The following PHKA1 variants were observed in gnomAD, a reference collection of about 807,000 sequenced individuals.
The protein encoded by PHKA1 is phosphorylase kinase regulatory subunit alpha 1.
PHKA1 carries 60 observed loss-of-function variants against 110.2 expected under a neutral mutation model. The observed-to-expected ratio is 0.54, with a 90% CI of 0.44 to 0.68. The LOEUF (loss-of-function observed/expected upper bound fraction) is 0.68, where lower values mean the gene tolerates loss of function less well. Ranked by LOEUF, PHKA1 falls within the 30% of genes least tolerant of loss-of-function variation. The probability of loss-of-function intolerance (pLI) is 0.00; values close to 1 mark genes in which losing one functional copy is unlikely to be tolerated. For synonymous variants in PHKA1, 316 were observed against 333.6 expected (o/e 0.95, Z 0.58); for missense variants, 801 against 942.5 (o/e 0.85, Z 1.97).
chrX:72,617,356 T>A (rs1226049844), intron 21 of PHKA1, among the ~76,000 whole-genome samples: 1 of 110,525 alleles, frequency 9.0e-6, no homozygotes, highest in Non-Finnish European at 1.9e-5. Flanking sequence ...TTTCTATAAA[T>A]AATTAAAAAA....
At chrX:72,587,264 GT>G (rs782033806) in intron 29 of PHKA1, among the ~76,000 whole-genome samples, 46 of 111,745 alleles carry the variant, frequency 4.1e-4, no homozygotes, top group Non-Finnish European at 8.1e-4. Context: ...CCAGAAGAGA[GT>G]GGGGGCCGAT....
intron 21 of PHKA1, among the ~76,000 whole-genome samples, chrX:72,614,761 G>A (rs782448066): frequency 9.0e-6 from 1 of 111,304 alleles, no homozygotes; most frequent in South Asian, 3.9e-4. Flanking sequence ...TGATGCTGTA[G>A]CGAGAGGCAG....
chrX:72,628,505 C>T (rs2053118199), intron 16 of PHKA1, among the ~76,000 whole-genome samples: 1 of 106,331 alleles, frequency 9.4e-6, no homozygotes, highest in Non-Finnish European at 1.9e-5. Context: ...ATTTTTGTGT[C>T]TTGCAAAGGA....
At position 72,580,867 on chromosome X, in the gene PHKA1, C is replaced by A; in HGVS notation, c.*135G>T. The A allele has an allele frequency of 5.0e-6, 3 of 598,113 alleles. No individual in the cohort carries two copies. Among genetic ancestry groups the A allele is most frequent in the South Asian group, 2.5e-5 (1 of 39,745 alleles). 49.3% of individuals were successfully genotyped at this position (598,113 alleles called of 1,213,427 possible). A position where few individuals can be genotyped will look rare whatever the true frequency, so the allele number is the denominator to read the frequency against. ...CAGTAGTTAGTTTATCGAAAAAGTT[C>A]TCTCTTCTTGGGAAGGATGGGACAG... On this transcript the variant is annotated 3_prime_UTR_variant, in exon 32 of 32. Transcript: ENST00000373542.
chrX:72,581,770 GA>G (rs1444268525), intron 31 of PHKA1, among the ~76,000 whole-genome samples: 1 of 112,049 alleles, frequency 8.9e-6, no homozygotes, highest in African/African-American at 3.2e-5. Context: ...CTAACAGAAT[GA>G]AAACAGCTAT....
chrX:72,698,443 G>C (rs2054159006), intron 3 of PHKA1, among the ~76,000 whole-genome samples: 2 of 112,334 alleles, frequency 1.8e-5, no homozygotes, highest in Admixed American at 9.4e-5. Context: ...AGTAACATTA[G>C]AAATGTCTTA....
intron 21 of PHKA1, among the ~76,000 whole-genome samples, chrX:72,615,367 T>A (rs1342905839): frequency 1.8e-5 from 2 of 111,792 alleles, no homozygotes; most frequent in African/African-American, 6.5e-5. Context: ...AACGATGGTG[T>A]GTAAATTACT....
intron 6 of PHKA1, among the ~76,000 whole-genome samples, chrX:72,671,745 A>T (rs781950861): frequency 1.3e-4 from 15 of 111,409 alleles, no homozygotes; most frequent in African/African-American, 4.9e-4. Context: ...AGAGATATAG[A>T]CCGATGGAAC....
chrX:72,580,715 G>T lies in PHKA1; in HGVS notation c.*287C>A, dbSNP rs1431738637. 5.2e-6 allele frequency: 2 copies of T among 381,022 alleles called. No homozygotes were observed. The highest frequency in any genetic ancestry group is 8.7e-5 in the Admixed American group (2 of 22,880). The allele number at this position is 381,022 out of a possible 1,213,427, so 31.4% of individuals were successfully genotyped here. A position where few individuals can be genotyped will look rare whatever the true frequency, so the allele number is the denominator to read the frequency against. On this transcript the variant is annotated 3_prime_UTR_variant, in exon 32 of 32. Transcript: ENST00000373542. ...ACAGATCTAGAGAATAAAAACACAT[G>T]CAAACTTTTATGAATGATGAAAGAA...
At chrX:72,642,830 ATTTCT>A (rs2053313359) in intron 14 of PHKA1, among the ~76,000 whole-genome samples, 1 of 111,833 alleles carries the variant, frequency 8.9e-6, no homozygotes, top group Non-Finnish European at 1.9e-5. Flanking sequence ...AAATTTGTTA[ATTTCT>A]TTGTGTATAT....
chrX:72,596,564 T>C (rs2052592215), intron 28 of PHKA1, among the ~76,000 whole-genome samples: 1 of 111,430 alleles, frequency 9.0e-6, no homozygotes, highest in South Asian at 3.7e-4. Context: ...TAACAAAATA[T>C]GTAGGAATAA....
chrX:72,671,515 A>G (rs1254024328), intron 6 of PHKA1, among the ~76,000 whole-genome samples: 4 of 110,900 alleles, frequency 3.6e-5, no homozygotes, highest in Non-Finnish European at 5.7e-5. Context: ...TACTGCCCAA[A>G]GTAATTTATA....
intron 28 of PHKA1, chrX:72,599,679 C>T: frequency 2.8e-6 from 1 of 351,313 alleles, no homozygotes; most frequent in Non-Finnish European, 5.1e-6. Flanking sequence ...GATTCACCCC[C>T]ATATATGAAA....
At chrX:72,691,613 C>A (rs950138637) in intron 4 of PHKA1, among the ~76,000 whole-genome samples, 1 of 111,725 alleles carries the variant, frequency 9.0e-6, no homozygotes, top group Non-Finnish European at 1.9e-5. Context: ...TAAATTTATT[C>A]CTCATTATTT....
At chrX:72,680,952 C>G (rs1350916852) in intron 5 of PHKA1, among the ~76,000 whole-genome samples, 2 of 58,914 alleles carry the variant, frequency 3.4e-5, no homozygotes, top group African/African-American at 1.5e-4. Context: ...GCCACCCCGT[C>G]TGGGAAGTGA....
chrX:72,712,690 G>T, intron 2 of PHKA1, 89 bp downstream of exon 2: 4 of 823,120 alleles, frequency 4.9e-6, no homozygotes, highest in Non-Finnish European at 7.3e-6. Flanking sequence ...CTTAGCTTTT[G>T]GTGGGTTTCA....
chrX:72,693,813 G>A (rs972275205), intron 4 of PHKA1, among the ~76,000 whole-genome samples: 1 of 111,260 alleles, frequency 9.0e-6, no homozygotes, highest in Non-Finnish European at 1.9e-5. Context: ...TTGTGCTCTT[G>A]GTTGTACCCG....
At chrX:72,682,527 T>G (rs1358304721) in intron 5 of PHKA1, among the ~76,000 whole-genome samples, 1 of 108,393 alleles carries the variant, frequency 9.2e-6, no homozygotes, top group Non-Finnish European at 1.9e-5. Context: ...ATGGTTGCCG[T>G]GTCTGTGTGG....
chrX:72,713,695 CA>C (rs2054418646), intron 1 of PHKA1, 107 bp downstream of exon 1: 7 of 609,111 alleles, frequency 1.1e-5, no homozygotes, highest in South Asian at 4.7e-5. Flanking sequence ...CACACACACA[CA>C]CACACCCACA....
Sources: allele counts gnomAD v4.1 joint callset (sites outside exome capture counted in the v4.1 genomes callset), GRCh38; gene constraint gnomAD v4.1.1; transcripts MANE v1.5; gene names NCBI Gene and HGNC (gene_info 2026-07-23, HGNC 2026-07-21).